The following CNTN4 variants were observed in gnomAD, a reference collection of about 807,000 sequenced individuals.
CNTN4 encodes contactin-4.
CNTN4 carries 77 observed loss-of-function variants against 122.5 expected under a neutral mutation model. The ratio of observed to expected loss-of-function variants is 0.63; its 90% CI spans 0.52 to 0.76. CNTN4 has a LOEUF of 0.76. Among genes scored for constraint, CNTN4 ranks in the 30% least tolerant of loss-of-function variants. CNTN4 has a pLI of 0.00. For synonymous variants in CNTN4, 512 were observed against 447.0 expected, an observed-to-expected ratio of 1.15 and a Z score of -1.83; for missense variants, 1,256 against 1,259.1, an observed-to-expected ratio of 1.00 and a Z score of 0.04.
chr3:2,361,910 A>G (rs2045160397), intron 3 of CNTN4, among the ~76,000 whole-genome samples: 2 of 152,200 alleles, frequency 1.3e-5, no homozygotes, highest in Admixed American at 1.3e-4. Context: ...ACTTAAATAC[A>G]TATTAAAATT....
At chr3:2,603,199 G>A (rs1305256770) in intron 4 of CNTN4, among the ~76,000 whole-genome samples, 2 of 152,072 alleles carry the variant, frequency 1.3e-5, no homozygotes, top group Admixed American at 6.6e-5. Flanking sequence ...AGGGAATGAT[G>A]TTTTAGGTGA....
intron 4 of CNTN4, among the ~76,000 whole-genome samples, chr3:2,611,313 G>GAAAAA (rs1370397110): frequency 2.6e-5 from 3 of 113,602 alleles, no homozygotes; most frequent in Non-Finnish European, 5.1e-5. Flanking sequence ...AAAAAAAAAA[G>GAAAAA]AAAGAAAGAA....
At chr3:2,942,986 G>A (rs2094631094) in intron 13 of CNTN4, among the ~76,000 whole-genome samples, 1 of 152,094 alleles carries the variant, frequency 6.6e-6, no homozygotes. Flanking sequence ...GATTGTATAA[G>A]GACGGATTAG....
chr3:2,488,652 A>G (rs1327990521), intron 3 of CNTN4, among the ~76,000 whole-genome samples: 1 of 152,208 alleles, frequency 6.6e-6, no homozygotes, highest in East Asian at 1.9e-4. Context: ...TCTTGTTTAT[A>G]TAAATTAGCC....
At chr3:2,540,343 A>G (rs1208694864) in intron 3 of CNTN4, among the ~76,000 whole-genome samples, 1 of 151,978 alleles carries the variant, frequency 6.6e-6, no homozygotes, top group East Asian at 1.9e-4. Flanking sequence ...TGAGTCTCCA[A>G]ACAGCTAGTT....
At chr3:2,202,560 T>G (rs776886678) in intron 2 of CNTN4, among the ~76,000 whole-genome samples, 1 of 152,196 alleles carries the variant, frequency 6.6e-6, no homozygotes, top group Non-Finnish European at 1.5e-5. Flanking sequence ...CTCAAGGTGA[T>G]GGATTCTTTT....
intron 3 of CNTN4, among the ~76,000 whole-genome samples, chr3:2,482,824 C>T (rs1480631943): frequency 6.6e-6 from 1 of 152,192 alleles, no homozygotes; most frequent in African/African-American, 2.4e-5. Context: ...ACTTAGATTT[C>T]AGAGGGTATA....
At chr3:2,140,780 T>C (rs1332118201) in intron 2 of CNTN4, among the ~76,000 whole-genome samples, 3 of 152,190 alleles carry the variant, frequency 2.0e-5, no homozygotes, top group African/African-American at 7.2e-5. Flanking sequence ...CCTCAAAATT[T>C]ATATTTTGCA....
intron 15 of CNTN4, among the ~76,000 whole-genome samples, chr3:3,027,936 CT>C (rs1437945232): frequency 3.9e-5 from 6 of 152,164 alleles, no homozygotes; most frequent in Non-Finnish European, 7.3e-5. Flanking sequence ...TCTATCTCCC[CT>C]GTTAAACTAG....
At chr3:2,632,090 G>GTGTA (rs748756943) in intron 4 of CNTN4, among the ~76,000 whole-genome samples, 3 of 147,452 alleles carry the variant, frequency 2.0e-5, no homozygotes, top group Non-Finnish European at 4.5e-5. Context: ...ACACACGTGT[G>GTGTA]TGTATGTATG....
intron 4 of CNTN4, among the ~76,000 whole-genome samples, chr3:2,591,614 T>C (rs2080494167): frequency 1.9e-5 from 1 of 51,684 alleles, no homozygotes; most frequent in Admixed American, 1.5e-4. Context: ...TCCGCCCGCC[T>C]CGGCCTCCCA....
chr3:2,828,937 T>A (rs1037104251), intron 7 of CNTN4, among the ~76,000 whole-genome samples: 2 of 152,032 alleles, frequency 1.3e-5, no homozygotes, highest in African/African-American at 4.8e-5. Flanking sequence ...TGGGGTCTTG[T>A]TTTGTTACCC....
chr3:2,602,767 A>G (rs564148407), intron 4 of CNTN4, among the ~76,000 whole-genome samples: 1 of 152,354 alleles, frequency 6.6e-6, no homozygotes, highest in African/African-American at 2.4e-5. Flanking sequence ...TACAAGCATT[A>G]TATGGTAATA....
intron 17 of CNTN4, among the ~76,000 whole-genome samples, chr3:3,035,125 T>C (rs1313131829): frequency 2.0e-5 from 3 of 151,802 alleles, no homozygotes; most frequent in Non-Finnish European, 4.4e-5. Flanking sequence ...CTGGGCAACA[T>C]GGCAAAACCC....
chr3:2,149,719 TGAC>T (rs2035409317), intron 2 of CNTN4, among the ~76,000 whole-genome samples: 2 of 152,204 alleles, frequency 1.3e-5, no homozygotes, highest in East Asian at 3.8e-4. Flanking sequence ...TTTGATGCAA[TGAC>T]TTTTCCCTGT....
chr3:2,726,163 T>A (rs1050223748), intron 4 of CNTN4, among the ~76,000 whole-genome samples: 2 of 152,208 alleles, frequency 1.3e-5, no homozygotes, highest in Non-Finnish European at 2.9e-5. Context: ...TGGGAGTCTT[T>A]GGAAGCTCCA....
At chr3:2,763,373 T>C (rs1460424741) in intron 6 of CNTN4, among the ~76,000 whole-genome samples, 1 of 152,238 alleles carries the variant, frequency 6.6e-6, no homozygotes, top group Non-Finnish European at 1.5e-5. Flanking sequence ...TTATAGATGC[T>C]AGATATTAGA....
At chr3:2,907,440 G>C (rs2094248476) in intron 12 of CNTN4, among the ~76,000 whole-genome samples, 2 of 152,074 alleles carry the variant, frequency 1.3e-5, no homozygotes, top group South Asian at 4.1e-4. Flanking sequence ...GGACATGGTG[G>C]TGCATGCTTG....
At chr3:2,386,215 A>T (rs886070300) in intron 3 of CNTN4, among the ~76,000 whole-genome samples, 26 of 151,372 alleles carry the variant, frequency 1.7e-4, no homozygotes, top group Middle Eastern at 6.8e-3. Context: ...CTGAATTCAA[A>T]CTCTGAATTC....
Sources: allele counts gnomAD v4.1 joint callset (sites outside exome capture counted in the v4.1 genomes callset), GRCh38; gene constraint gnomAD v4.1.1; transcripts MANE v1.5; gene names NCBI Gene and HGNC (gene_info 2026-07-23, HGNC 2026-07-21).